Variants in SMPD4 observed in about 807,000 individuals in gnomAD.
SMPD4 encodes neutral sphingomyelinase 3.
SMPD4 carries 58 observed loss-of-function variants against 97.8 expected under a neutral mutation model. That is an observed-to-expected ratio of 0.59 (90% CI 0.48 to 0.74). The LOEUF (loss-of-function observed/expected upper bound fraction) is 0.74, where lower values mean the gene tolerates loss of function less well. Ranked by LOEUF, SMPD4 falls within the 30% of genes least tolerant of loss-of-function variation. SMPD4 has a pLI of 0.00. For synonymous variants in SMPD4, 388 were observed against 450.0 expected (o/e 0.86, Z 1.74); for missense variants, 853 against 1,080.5 (o/e 0.79, Z 2.95).
In SMPD4 at chr2:130,176,564, C is replaced by G. The variant is rs372972050; in HGVS notation, c.29G>C (p.Ser10Thr). The change falls in exon 2 of 20, where the codon AGC (serine) becomes ACC (threonine). Residue 10 changes from serine to threonine, a missense_variant. Transcript: ENST00000680298. Reference protein sequence around the residue: MAFPHLQQPSFLLASLKADS... With the variant: MAFPHLQQPTFLLASLKADS... ...GCAGTTGATATTTACCAGTAGAAAG[C>G]TGGGCTGCTGCAGGTGAGGGAACGC... 5 of 1,612,558 alleles carry G rather than the reference C, an allele frequency of 3.1e-6. No individual in the cohort carries two copies. Among genetic ancestry groups the G allele is most frequent in the Admixed American group, 1.7e-5 (1 of 59,582 alleles).
intron 11 of SMPD4, among the ~76,000 whole-genome samples, chr2:130,159,285 G>A (rs1332903307): frequency 2.6e-5 from 4 of 152,070 alleles, no homozygotes; most frequent in East Asian, 1.9e-4. Context: ...ATGAGCCATC[G>A]TGGCTGGCTA....
intron 16 of SMPD4, 61 bp downstream of exon 16, chr2:130,154,216 G>C (rs564567863): frequency 5.4e-5 from 81 of 1,501,372 alleles, no homozygotes; most frequent in Non-Finnish European, 7.1e-5. Flanking sequence ...AGCACTTCCC[G>C]GGTTCTGCTC....
rs772145567 is a variant in SMPD4, at chr2:130,164,374, C to G, written c.864G>C (p.Lys288Asn). 2.5e-6 allele frequency: 4 copies of G among 1,613,820 alleles called. No individual in the cohort carries two copies. The highest frequency in any genetic ancestry group is 3.4e-6 in the Non-Finnish European group (4 of 1,179,772). Residue 288 changes from lysine (K) to asparagine (N), a missense_variant and splice_region_variant, in exon 10 of 20, where the codon AAG becomes AAC. Physicochemically the swap from Lys to Asn is moderately conservative, Grantham distance 94 (BLOSUM62 0). Around this residue, in one of 3 missense-constraint regions of SMPD4, gnomAD observed 313 missense variants for 402.2 expected, o/e 0.78. Transcript: ENST00000680298. Reference protein sequence around the residue: ...MYQKMQSPHAKLEVLHYRLSV... With the variant: ...MYQKMQSPHANLEVLHYRLSV... ...GTGGGAAGAAAAACTGAAAACATACCTTGGCATGAGGGGACTGCATTTTTT... is the reference window on the plus strand; with the variant it reads ...GTGGGAAGAAAAACTGAAAACATACGTTGGCATGAGGGGACTGCATTTTTT...
intron 8 of SMPD4, among the ~76,000 whole-genome samples, chr2:130,168,928 C>T (rs1688181368): frequency 6.6e-6 from 1 of 151,958 alleles, no homozygotes; most frequent in African/African-American, 2.4e-5. Flanking sequence ...GCTATGTTGC[C>T]TGAGCTGGTC....
rs560020166 is a variant in SMPD4 at position 130,152,399 on chromosome 2, C to T, written c.*156G>A. ...CCCACCTGCCTTCCTTTCTTGGTTG[C>T]GTTTCCTCCAGATGCCTCTGCGGCT... is the stretch of plus-strand genomic sequence containing the variant. On this transcript the variant is annotated 3_prime_UTR_variant, in exon 20 of 20. Coordinates refer to ENST00000680298, the MANE Select transcript of SMPD4 (RefSeq NM_017951.5). 611 of 825,106 alleles carry T rather than the reference C, an allele frequency of 7.4e-4. 3 individuals are homozygous for T. The African/African-American group carries it at 8.8e-3, about 12-fold the overall frequency. 51.1% of individuals were successfully genotyped at this position (825,106 alleles called of 1,614,324 possible). A position where few individuals can be genotyped will look rare whatever the true frequency, so the allele number is the denominator to read the frequency against.
intron 11 of SMPD4, 59 bp from the exon 12 acceptor site, chr2:130,157,455 C>T: frequency 3.7e-6 from 6 of 1,604,092 alleles, no homozygotes; most frequent in African/African-American, 2.7e-5. Context: ...TAGCACTCCG[C>T]CTCCAGGTCT....
intron 12 of SMPD4, chr2:130,156,878 G>A: frequency 7.0e-7 from 1 of 1,437,736 alleles, no homozygotes; most frequent in Non-Finnish European, 9.5e-7. Context: ...CAGCACGCAG[G>A]CGGCCGAGTC....
At chr2:130,181,294 A>G in intron 1 of SMPD4, 8 of 1,397,696 alleles carry the variant, frequency 5.7e-6, no homozygotes, top group Non-Finnish European at 7.4e-6. Context: ...GCGAACACCT[A>G]CCGGACCGGG....
intron 9 of SMPD4, among the ~76,000 whole-genome samples, chr2:130,165,774 G>C (rs1687870252): frequency 6.6e-6 from 1 of 152,146 alleles, no homozygotes; most frequent in South Asian, 2.1e-4. Flanking sequence ...TCACTATGCT[G>C]GCCAGGCTGG....
At chr2:130,173,110 G>C (rs1433116907) in intron 5 of SMPD4, among the ~76,000 whole-genome samples, 169 bp downstream of exon 5, 2 of 152,190 alleles carry the variant, frequency 1.3e-5, no homozygotes, top group East Asian at 3.9e-4. Context: ...AAGAGCTGCA[G>C]ACAGCAAGGG....
chr2:130,159,129 G>T (rs926607465), intron 11 of SMPD4, among the ~76,000 whole-genome samples: 2 of 152,048 alleles, frequency 1.3e-5, no homozygotes, highest in Non-Finnish European at 2.9e-5. Flanking sequence ...CGGGTAGCTG[G>T]GAACACAGGC....
intron 9 of SMPD4, among the ~76,000 whole-genome samples, chr2:130,166,605 C>A (rs1687951430): frequency 1.3e-5 from 2 of 152,348 alleles, no homozygotes; most frequent in Middle Eastern, 3.4e-3. Flanking sequence ...ATCTTATCTA[C>A]ATGCCAGGCT....
intron 14 of SMPD4, 31 bp downstream of exon 14, chr2:130,156,004 T>G (rs775962629): frequency 1.9e-6 from 3 of 1,600,042 alleles, no homozygotes; most frequent in Non-Finnish European, 2.6e-6. Flanking sequence ...GGGGAGCCAG[T>G]GGCATGTCTG....
chr2:130,164,268 T>C lies in SMPD4; in HGVS notation c.864+106A>G, dbSNP rs964184583. The C allele has an allele frequency of 7.3e-6, 7 of 963,870 alleles. No homozygotes were observed. In the African/African-American group the frequency reaches 9.7e-5, roughly 13 times the overall value. The allele number at this position is 963,870 out of a possible 1,614,324, so 59.7% of individuals were successfully genotyped here. On this transcript the variant is annotated intron_variant, in intron 10 of 19. Coordinates refer to ENST00000680298, the MANE Select transcript of SMPD4 (RefSeq NM_017951.5). ...GAGTGACAGGTGGGTGGTGGGTTTC[T>C]GCTTCCCACCATCCAGCCTGTGAAA...
rs759335629 is a variant in SMPD4 at position 130,172,889 on chromosome 2, C to T, written c.352G>A (p.Val118Met). Residue 118 changes from valine (V) to methionine (M), a missense_variant, in exon 6 of 20, where the codon GTG becomes ATG. By Grantham distance (21) the Val-to-Met change is conservative. Transcript: ENST00000680298. ...ATGCACTCCTGGATGGACGCCTTCA[C>T]AGGACCCTGCAGAGAGAGGCAGTGA... ...DFPVSYLPGP[V>M]KASIQECILP... 2 of 1,610,378 alleles carry T rather than the reference C, an allele frequency of 1.2e-6. No homozygotes were observed. The highest frequency in any genetic ancestry group is 2.2e-5 in the East Asian group (1 of 44,634).
intron 1 of SMPD4, 111 bp downstream of exon 1, chr2:130,181,419 T>G (rs1490798106): frequency 1.3e-5 from 20 of 1,499,186 alleles, no homozygotes; most frequent in Non-Finnish European, 1.7e-5. Context: ...CAGAGCCGGC[T>G]GGCCGGCCCG....
At chr2:130,176,302 C>A (rs1415990220) in intron 2 of SMPD4, among the ~76,000 whole-genome samples, 1 of 152,202 alleles carries the variant, frequency 6.6e-6, no homozygotes, top group Non-Finnish European at 1.5e-5. Flanking sequence ...CCTCCTCACA[C>A]CCTTGGGAAG....
chr2:130,166,091 G>A (rs1461914936), intron 9 of SMPD4, among the ~76,000 whole-genome samples: 1 of 152,106 alleles, frequency 6.6e-6, no homozygotes, highest in African/African-American at 2.4e-5. Context: ...GGAGGCCAAA[G>A]CAAATGGATC....
intron 8 of SMPD4, among the ~76,000 whole-genome samples, chr2:130,171,650 G>A (rs1227679765): frequency 6.6e-6 from 1 of 152,180 alleles, no homozygotes; most frequent in Non-Finnish European, 1.5e-5. Flanking sequence ...CTGTCCACAC[G>A]TGAATTGTAG....
Sources: allele counts gnomAD v4.1 joint callset (sites outside exome capture counted in the v4.1 genomes callset), GRCh38; gene constraint gnomAD v4.1.1; regional missense constraint gnomAD v4.1.1; transcripts MANE v1.5; gene names NCBI Gene and HGNC (gene_info 2026-07-23, HGNC 2026-07-21).